SCART1: variants seen among roughly 807,000 people sequenced by gnomAD.
SCART1 encodes the protein scavenger receptor family member expressed on T cells 1.
A neutral mutation model predicts 36.2 loss-of-function variants in SCART1; 62 were observed. That is an observed-to-expected ratio of 1.71 (90% CI 1.40 to 2.12). The LOEUF (loss-of-function observed/expected upper bound fraction) is 2.12. SCART1 is among the 30% of genes most tolerant of loss of function. The pLI, the probability that SCART1 is intolerant of heterozygous loss-of-function variation, is 0.00. For synonymous variants in SCART1, 487 were observed against 238.7 expected, an observed-to-expected ratio of 2.04 and a Z score of -9.59; for missense variants, 1,041 against 540.5, an observed-to-expected ratio of 1.93 and a Z score of -9.18.
At chr10:133,465,157 C>G in exon 8 of SCART1, 1 of 703,066 alleles carries the variant, frequency 1.4e-6, no homozygotes, top group African/African-American at 1.7e-5. Context: ...AACTGCTCCT[C>G]CTGGCTCGGC....
exon 5 of SCART1, chr10:133,459,109 C>T: frequency 2.8e-6 from 2 of 702,864 alleles, no homozygotes; most frequent in Non-Finnish European, 5.2e-6. Context: ...GTGCCACCCA[C>T]TGGGACATAG....
intron 10 of SCART1, 22 bp from the exon 11 acceptor site, chr10:133,467,176 G>T: frequency 2.9e-6 from 2 of 680,052 alleles, no homozygotes; most frequent in South Asian, 3.2e-5. Context: ...GCCTGTGTGT[G>T]ACCATGCTCA....
At position 133,459,468 on chromosome 10, in the gene SCART1, T is replaced by C. The variant is rs1252915214; in HGVS notation, c.1286-19T>C. The C allele has an allele frequency of 1.6e-6, 1 of 623,012 alleles. No individual in the cohort carries two copies. Among genetic ancestry groups the C allele is most frequent in the Non-Finnish European group, 2.9e-6 (1 of 348,198 alleles). 38.6% of individuals were successfully genotyped at this position (623,012 alleles called of 1,614,324 possible). A position where few individuals can be genotyped will look rare whatever the true frequency, so the allele number is the denominator to read the frequency against. ...CCCTCCCGCTGACATCTTGGGCCCC[T>C]GTGCGTCCCCATCCCCAGGTCTGGC... On this transcript the variant is annotated intron_variant, in intron 5 of 11. Coordinates refer to ENST00000640237, the Ensembl canonical transcript of SCART1.
exon 9 of SCART1, chr10:133,465,472 C>A: frequency 1.9e-6 from 1 of 522,900 alleles, no homozygotes; most frequent in South Asian, 2.7e-5. Flanking sequence ...GGTGGGGTGC[C>A]GGGGCAGCGA....
intron 9 of SCART1, chr10:133,465,855 G>A: frequency 1.4e-6 from 1 of 692,196 alleles, no homozygotes; most frequent in Non-Finnish European, 2.6e-6. Flanking sequence ...GTTGTTCCCT[G>A]CACCTCATTC....
intron 2 of SCART1, 107 bp downstream of exon 2, chr10:133,456,661 C>T (rs773038124): frequency 1.7e-5 from 10 of 586,878 alleles, no homozygotes; most frequent in South Asian, 4.2e-5. Context: ...TGGCGGGTCT[C>T]GGAGACGGGC....
chr10:133,456,155 C>T (rs1357108849), intron 1 of SCART1, 82 bp from the exon 2 acceptor site: 13 of 649,838 alleles, frequency 2.0e-5, no homozygotes, highest in East Asian at 5.4e-5. Context: ...CCTCACAGGC[C>T]GTTCCCTGCT....
chr10:133,459,198 G>A (rs1850662696), exon 5 of SCART1: 1 of 702,442 alleles, frequency 1.4e-6, no homozygotes, highest in African/African-American at 1.7e-5. Context: ...TTTGGGGACG[G>A]GGACGCTGCC....
chr10:133,460,151 C>T (rs184119107), exon 6 of SCART1: 7 of 506,360 alleles, frequency 1.4e-5, no homozygotes, highest in East Asian at 1.0e-4. Flanking sequence ...ACAAGGAGGA[C>T]GCCGGCGTCT....
At chr10:133,460,111 C>T (rs900656646) in exon 6 of SCART1, 2 of 514,418 alleles carry the variant, frequency 3.9e-6, no homozygotes, top group Non-Finnish European at 6.8e-6. Context: ...CAGTGCCCGT[C>T]GGCGGGCTGG....
chr10:133,458,324 C>T lies in SCART1; in HGVS notation c.683-36C>T, dbSNP rs901321011. On this transcript the variant is annotated intron_variant, in intron 3 of 11. Coordinates refer to ENST00000640237, the Ensembl canonical transcript of SCART1. Reference sequence around the variant, plus strand: ...CAGGGCCAGGCTGTTGACCTGAGAACACCTGTCTCCTGCCTGAGAGGACGT... The same window carrying T: ...CAGGGCCAGGCTGTTGACCTGAGAATACCTGTCTCCTGCCTGAGAGGACGT... 6.1e-5 allele frequency: 43 copies of T among 702,542 alleles called. 1 individual carries two copies. The highest frequency in any genetic ancestry group is 3.0e-4 in the Admixed American group (15 of 50,004). The allele number at this position is 702,542 out of a possible 1,614,324, so 43.5% of individuals were successfully genotyped here.
chr10:133,467,822 G>A, intron 11 of SCART1, 25 bp from the exon 12 acceptor site: 2 of 655,298 alleles, frequency 3.1e-6, no homozygotes, highest in Non-Finnish European at 5.6e-6. Flanking sequence ...GTGCTGATTT[G>A]GTCACGCGGT....
exon 9 of SCART1, chr10:133,465,320 G>A: frequency 2.9e-6 from 2 of 685,914 alleles, no homozygotes; most frequent in Non-Finnish European, 5.3e-6. Context: ...TGGCACGCGG[G>A]CTCCTGGGGC....
intron 3 of SCART1, 64 bp from the exon 4 acceptor site, chr10:133,458,296 G>A (rs751072746): frequency 5.7e-6 from 4 of 702,036 alleles, no homozygotes; most frequent in South Asian, 3.0e-5. Flanking sequence ...GCAGTCTGAG[G>A]CTCAGGGCCA....
exon 9 of SCART1, chr10:133,465,434 C>T (rs1178974341): frequency 8.9e-6 from 5 of 558,834 alleles, no homozygotes; most frequent in Middle Eastern, 3.9e-4. Context: ...GCCTTTGGCC[C>T]TGGCTCCGGG....
At chr10:133,462,615 T>G (rs1850715457) in intron 6 of SCART1, among the ~76,000 whole-genome samples, 1 of 152,194 alleles carries the variant, frequency 6.6e-6, no homozygotes, top group Non-Finnish European at 1.5e-5. Context: ...ACCTCTGTGG[T>G]CATTGCCTTT....
chr10:133,456,818 G>C (rs558777499), intron 2 of SCART1, among the ~76,000 whole-genome samples: 21 of 152,168 alleles, frequency 1.4e-4, no homozygotes, highest in African/African-American at 3.4e-4. Context: ...GCCCAGGCGT[G>C]GGGGAGGCAG....
intron 2 of SCART1, among the ~76,000 whole-genome samples, chr10:133,456,818 G>T (rs558777499): frequency 1.3e-5 from 2 of 152,168 alleles, no homozygotes; most frequent in African/African-American, 4.8e-5. Flanking sequence ...GCCCAGGCGT[G>T]GGGGAGGCAG....
chr10:133,468,653 T>C (rs1471515170), exon 12 of SCART1: 2 of 152,208 alleles, frequency 1.3e-5, no homozygotes, highest in African/African-American at 2.4e-5. Context: ...GAAAGCCCAG[T>C]CTATACCTAA....
Sources: gnomAD v4.1 joint callset for allele counts (sites outside exome capture counted in the v4.1 genomes callset) on GRCh38, gnomAD v4.1.1 for gene constraint, MANE v1.5 for transcripts, NCBI Gene and HGNC (gene_info 2026-07-23, HGNC 2026-07-21) for gene names.